The following CPNE4 variants were observed in gnomAD, a reference collection of about 807,000 sequenced individuals.
CPNE4 encodes copine 4, also known as copine-4.
In CPNE4, 25 loss-of-function variants were observed where a neutral mutation model predicts 67.9. The observed-to-expected ratio is 0.37, with a 90% CI of 0.27 to 0.51. The LOEUF (loss-of-function observed/expected upper bound fraction) is 0.51. CPNE4 is among the 20% of genes least tolerant of loss of function. CPNE4 has a pLI of 0.93. For missense variants in CPNE4, 464 were observed against 690.8 expected (o/e 0.67, Z 3.68); for synonymous variants, 242 against 244.9 (o/e 0.99, Z 0.11).
intron 1 of CPNE4, among the ~76,000 whole-genome samples, chr3:132,028,974 G>A (rs1211120624): frequency 6.6e-6 from 1 of 150,538 alleles, no homozygotes; most frequent in Non-Finnish European, 1.5e-5. Flanking sequence ...CCAAGAGAAT[G>A]GGCACAGGAA....
intron 2 of CPNE4, among the ~76,000 whole-genome samples, chr3:131,735,090 TACAC>T (rs1393051114): frequency 6.6e-6 from 1 of 152,208 alleles, no homozygotes; most frequent in Non-Finnish European, 1.5e-5. Context: ...AACATAAACA[TACAC>T]ATACATACAT....
chr3:131,798,362 A>G (rs549501155), intron 2 of CPNE4, among the ~76,000 whole-genome samples: 5 of 152,268 alleles, frequency 3.3e-5, no homozygotes, highest in Admixed American at 6.5e-5. Flanking sequence ...TCATTCAGTC[A>G]CCACCAGGGG....
At chr3:131,905,712 G>C (rs1203647889) in intron 1 of CPNE4, among the ~76,000 whole-genome samples, 1 of 152,108 alleles carries the variant, frequency 6.6e-6, no homozygotes, top group Non-Finnish European at 1.5e-5. Flanking sequence ...AAAATTTTTA[G>C]CCTGTGAAAT....
chr3:131,937,186 A>T (rs1184573573), intron 1 of CPNE4, among the ~76,000 whole-genome samples: 1 of 152,206 alleles, frequency 6.6e-6, no homozygotes, highest in East Asian at 1.9e-4. Flanking sequence ...ATATATTAAA[A>T]ATTTACTGCA....
chr3:131,716,898 G>T (rs547580113), intron 3 of CPNE4, among the ~76,000 whole-genome samples: 1 of 152,228 alleles, frequency 6.6e-6, no homozygotes, highest in Non-Finnish European at 1.5e-5. Flanking sequence ...CCATGTACAC[G>T]TCAGCACTAG....
intron 2 of CPNE4, among the ~76,000 whole-genome samples, chr3:131,886,659 G>C (rs1440628643): frequency 6.6e-6 from 1 of 152,140 alleles, no homozygotes; most frequent in Non-Finnish European, 1.5e-5. Flanking sequence ...CAGGGGTGGA[G>C]CTGCCCAAGA....
intron 2 of CPNE4, among the ~76,000 whole-genome samples, chr3:131,792,660 C>T (rs1358079424): frequency 9.4e-5 from 5 of 53,410 alleles, no homozygotes; most frequent in Admixed American, 2.5e-4. Context: ...TATATACACA[C>T]GTGTATATAT....
chr3:131,542,907 A>G, intron 14 of CPNE4, 114 bp from the exon 15 acceptor site: 1 of 688,092 alleles, frequency 1.5e-6, no homozygotes, highest in South Asian at 1.8e-5. Context: ...CCAAAGCAAC[A>G]GTGATGACAG....
intron 2 of CPNE4, among the ~76,000 whole-genome samples, chr3:131,728,946 G>A (rs537232363): frequency 7.8e-4 from 118 of 150,788 alleles, no homozygotes; most frequent in Middle Eastern, 3.4e-3. Flanking sequence ...GCGGGGCAAT[G>A]TGTCATCAAC....
At chr3:131,927,491 G>A (rs1407558685) in intron 1 of CPNE4, among the ~76,000 whole-genome samples, 1 of 147,768 alleles carries the variant, frequency 6.8e-6, no homozygotes, top group Non-Finnish European at 1.5e-5. Flanking sequence ...GACATCTCAT[G>A]TCATTGCAGA....
intron 2 of CPNE4, among the ~76,000 whole-genome samples, chr3:131,899,575 T>C (rs1186969161): frequency 2.0e-5 from 3 of 152,114 alleles, no homozygotes; most frequent in African/African-American, 4.8e-5. Flanking sequence ...TGTTTACTAA[T>C]TGTATGACCC....
intron 2 of CPNE4, among the ~76,000 whole-genome samples, chr3:131,856,640 T>A (rs989504677): frequency 2.0e-5 from 3 of 151,964 alleles, no homozygotes; most frequent in African/African-American, 7.2e-5. Context: ...TAAAACCTAC[T>A]GAGAAATGAT....
At chr3:131,728,636 C>T (rs1362327165) in intron 2 of CPNE4, among the ~76,000 whole-genome samples, 8 of 152,010 alleles carry the variant, frequency 5.3e-5, no homozygotes, top group East Asian at 3.9e-4. Context: ...TGTGGCCGGG[C>T]GCAGTGGCTC....
At chr3:131,637,989 C>T (rs1173614864) in intron 7 of CPNE4, among the ~76,000 whole-genome samples, 1 of 152,026 alleles carries the variant, frequency 6.6e-6, no homozygotes, top group Non-Finnish European at 1.5e-5. Context: ...AAATGCTGAG[C>T]TAATTTGCCA....
chr3:131,923,074 C>T (rs1023814242), intron 1 of CPNE4, among the ~76,000 whole-genome samples: 2 of 152,132 alleles, frequency 1.3e-5, no homozygotes, highest in East Asian at 1.9e-4. Flanking sequence ...GTTCATTGAA[C>T]ATGTGGGACT....
chr3:131,978,519 TATATAA>T (rs1217298270), intron 1 of CPNE4, among the ~76,000 whole-genome samples: 1 of 82,592 alleles, frequency 1.2e-5, no homozygotes, highest in Non-Finnish European at 2.1e-5. Context: ...TATATTTATT[TATATAA>T]ATATAAATAT....
chr3:131,726,772 G>C (rs1227867855), intron 2 of CPNE4, among the ~76,000 whole-genome samples: 1 of 151,984 alleles, frequency 6.6e-6, no homozygotes, highest in Non-Finnish European at 1.5e-5. Flanking sequence ...CTAACCCCAG[G>C]TCATTCTGAT....
chr3:131,659,389 C>A (rs2080065134), intron 7 of CPNE4, among the ~76,000 whole-genome samples: 1 of 152,114 alleles, frequency 6.6e-6, no homozygotes, highest in South Asian at 2.1e-4. Flanking sequence ...GAAGGGGATG[C>A]AGATGGATTA....
At chr3:131,785,796 G>A (rs2083546920) in intron 2 of CPNE4, among the ~76,000 whole-genome samples, 1 of 151,850 alleles carries the variant, frequency 6.6e-6, no homozygotes, top group East Asian at 1.9e-4. Context: ...AGGGTTTGGA[G>A]GTGTCCCTAA....
Sources: gnomAD v4.1 joint callset for allele counts (sites outside exome capture counted in the v4.1 genomes callset) on GRCh38, gnomAD v4.1.1 for gene constraint, MANE v1.5 for transcripts, NCBI Gene and HGNC (gene_info 2026-07-23, HGNC 2026-07-21) for gene names.